MYO9B: variants seen among roughly 807,000 people sequenced by gnomAD.
MYO9B encodes unconventional myosin-IXb.
A neutral mutation model predicts 229.5 loss-of-function variants in MYO9B; 71 were observed. That is an observed-to-expected ratio of 0.31 (90% CI 0.26 to 0.38). MYO9B has a LOEUF of 0.38. Among genes scored for constraint, MYO9B ranks in the 10% least tolerant of loss-of-function variants. The probability of loss-of-function intolerance (pLI) is 1.00; values close to 1 mark genes in which losing one functional copy is unlikely to be tolerated. For missense variants in MYO9B, 2,255 were observed against 2,920.5 expected, an observed-to-expected ratio of 0.77 and a Z score of 5.25; for synonymous variants, 1,185 against 1,235.8, an observed-to-expected ratio of 0.96 and a Z score of 0.86.
intron 2 of MYO9B, among the ~76,000 whole-genome samples, chr19:17,115,381 G>T (rs2057891731): frequency 6.6e-6 from 1 of 151,662 alleles, no homozygotes; most frequent in Non-Finnish European, 1.5e-5. Context: ...GCCCTTTATA[G>T]GAATTTTTTT....
Position 17,102,005 on chromosome 19 carries a change from G to A in MYO9B, c.288G>A (p.Gln96=), listed in dbSNP as rs371386006. 9 of 1,612,650 alleles carry A rather than the reference G, an allele frequency of 5.6e-6. No individual in the cohort carries two copies. The African/African-American group carries it at 8.0e-5, about 14-fold the overall frequency. ...TGCTGCTATGGCCCCGGCGGGCACA[G>A]GACGAGCACCCTCAGGAGGATGGCT... ...HRVLLWPRRA[Q]DEHPQEDGYY... is the part of the protein sequence containing the mutation. The change falls in exon 2 of 40, where the codon CAG becomes CAA. Residue 96 remains glutamine, a synonymous_variant. Transcript: ENST00000682292.
chr19:17,104,719 C>T (rs1474658244), intron 2 of MYO9B, among the ~76,000 whole-genome samples: 1 of 147,946 alleles, frequency 6.8e-6, no homozygotes, highest in Non-Finnish European at 1.5e-5. Context: ...AACCACTGTA[C>T]CCAGCTCCGC....
At chr19:17,171,476 G>T (rs1320020441) in intron 11 of MYO9B, among the ~76,000 whole-genome samples, 1 of 152,172 alleles carries the variant, frequency 6.6e-6, no homozygotes, top group East Asian at 1.9e-4. Context: ...AGTCACCCAG[G>T]CCCAGGATTA....
At chr19:17,207,423 A>G (rs1055474910) in intron 35 of MYO9B, 179 bp downstream of exon 35, 4 of 755,626 alleles carry the variant, frequency 5.3e-6, no homozygotes, top group Non-Finnish European at 8.1e-6. Flanking sequence ...ACTTGAGGCC[A>G]GGAGTTCGAG....
At chr19:17,183,046 T>C (rs1273161171) in intron 15 of MYO9B, among the ~76,000 whole-genome samples, 2 of 151,970 alleles carry the variant, frequency 1.3e-5, no homozygotes, top group South Asian at 2.1e-4. Context: ...CTCAGTCTCT[T>C]GAGTAGCTGG....
Position 17,162,469 on chromosome 19 carries a change from G to A in MYO9B, c.1536+3G>A, listed in dbSNP as rs1599381896. 3 of 1,557,046 alleles carry A rather than the reference G, an allele frequency of 1.9e-6. No individual in the cohort carries two copies. The highest frequency in any genetic ancestry group is 2.6e-6 in the Non-Finnish European group (3 of 1,152,084). ...AGGACGTGGAAGAGGCAGTCTCGGT[G>A]AGTGCCCCCATTTGCTTCCTCAAGC... On this transcript the variant is annotated splice_donor_region_variant and intron_variant, in intron 9 of 39. Transcript: ENST00000682292.
intron 3 of MYO9B, among the ~76,000 whole-genome samples, chr19:17,150,063 A>T (rs2145257969): frequency 6.6e-6 from 1 of 152,324 alleles, no homozygotes; most frequent in South Asian, 2.1e-4. Flanking sequence ...AGGCTGGGCC[A>T]TCAGAAGCCA....
At chr19:17,197,445 T>TAGATACATAGATAGATAGAC (rs2073058000) in intron 22 of MYO9B, among the ~76,000 whole-genome samples, 4 of 151,062 alleles carry the variant, frequency 2.6e-5, no homozygotes, top group African/African-American at 9.9e-5. Context: ...GATAGATAGA[T>TAGATACATAGATAGATAGAC]AGATACATAG....
At chr19:17,183,993 G>A in intron 16 of MYO9B, 125 bp downstream of exon 16, 11 of 857,682 alleles carry the variant, frequency 1.3e-5, no homozygotes, top group African/African-American at 5.3e-5. Flanking sequence ...CTCCCTCCAA[G>A]AAAAAAAAAA....
At chr19:17,205,187 G>A (rs189326972) in intron 30 of MYO9B, 76 bp from the exon 31 acceptor site, 336 of 1,197,926 alleles carry the variant, frequency 2.8e-4, no homozygotes, top group Non-Finnish European at 3.7e-4. Flanking sequence ...GGCGGCCCCC[G>A]GCCAGCTGGG....
rs1298755010 is a variant in MYO9B at position 17,096,691 on chromosome 19, T to G, written c.-58-4969T>G. On this transcript the variant is annotated intron_variant, in intron 1 of 39. Transcript: ENST00000682292. ...GTTGTTGTTGTTGTTGTTGTTGTTG[T>G]TGTTGTTGTTGTTGGTTTTTTTTTT... 6.4e-5 allele frequency among the ~76,000 whole-genome samples: 7 copies of G among 110,112 alleles called. No homozygotes were observed. The East Asian group carries it at 1.6e-3, about 25-fold the overall frequency. 72.2% of individuals were successfully genotyped at this position (110,112 alleles called of 152,430 possible). A position where few individuals can be genotyped will look rare whatever the true frequency, so the allele number is the denominator to read the frequency against.
intron 1 of MYO9B, among the ~76,000 whole-genome samples, chr19:17,094,967 A>G (rs1451198469): frequency 6.6e-6 from 1 of 150,850 alleles, no homozygotes; most frequent in Non-Finnish European, 1.5e-5. Flanking sequence ...GGCCAGGCGC[A>G]GTGGCTCATG....
intron 2 of MYO9B, among the ~76,000 whole-genome samples, chr19:17,137,421 A>G (rs1431758889): frequency 6.6e-6 from 1 of 152,068 alleles, no homozygotes; most frequent in Admixed American, 6.6e-5. Context: ...AACAACAACA[A>G]CAAGAGGTGA....
At chr19:17,120,932 C>T (rs906970846) in intron 2 of MYO9B, among the ~76,000 whole-genome samples, 8 of 152,108 alleles carry the variant, frequency 5.3e-5, no homozygotes, top group African/African-American at 1.4e-4. Context: ...CCCTCATACC[C>T]GGTCTGGGGT....
At chr19:17,097,252 C>A (rs1049491056) in intron 1 of MYO9B, among the ~76,000 whole-genome samples, 1 of 151,002 alleles carries the variant, frequency 6.6e-6, no homozygotes, top group African/African-American at 2.4e-5. Context: ...GCCCAACAGG[C>A]GGAGGTTGCA....
intron 2 of MYO9B, among the ~76,000 whole-genome samples, chr19:17,109,300 C>T (rs953404849): frequency 3.3e-5 from 5 of 149,580 alleles, no homozygotes; most frequent in Non-Finnish European, 7.4e-5. Context: ...CTCCTGACCT[C>T]GTGGTCCGCC....
chr19:17,093,412 C>G (rs560797664), intron 1 of MYO9B, among the ~76,000 whole-genome samples: 69 of 152,234 alleles, frequency 4.5e-4, no homozygotes, highest in African/African-American at 1.6e-3. Context: ...GCGTAAACCT[C>G]TGTCCATCTT....
At chr19:17,206,225 G>GGGGGGGGCCCCCCC in intron 32 of MYO9B, 23 bp from the exon 33 acceptor site, 2 of 1,564,668 alleles carry the variant, frequency 1.3e-6, no homozygotes, top group Non-Finnish European at 1.7e-6. Flanking sequence ...CCGCTCACCA[G>GGGGGGGGCCCCCCC]ACCCACCCCA....
intron 1 of MYO9B, among the ~76,000 whole-genome samples, chr19:17,100,586 G>A (rs1261429166): frequency 6.6e-6 from 1 of 152,234 alleles, no homozygotes; most frequent in African/African-American, 2.4e-5. Context: ...CTCTCTGGTA[G>A]AGGATCCTTT....
Sources: gnomAD v4.1 joint callset for allele counts (sites outside exome capture counted in the v4.1 genomes callset) on GRCh38, gnomAD v4.1.1 for gene constraint, MANE v1.5 for transcripts, NCBI Gene and HGNC (gene_info 2026-07-23, HGNC 2026-07-21) for gene names.